Variants in MINDY4B observed in about 807,000 individuals in gnomAD.
MINDY4B encodes the protein inactive ubiquitin carboxyl-terminal hydrolase MINDY-4B.
MINDY4B carries 25 observed loss-of-function variants against 16.7 expected under a neutral mutation model. That is an observed-to-expected ratio of 1.49 (90% CI 1.09 to 2.09). The LOEUF (loss-of-function observed/expected upper bound fraction) is 2.09, where lower values mean the gene tolerates loss of function less well. MINDY4B is among the 30% of genes most tolerant of loss of function. The probability of loss-of-function intolerance (pLI) is 0.00; values close to 1 mark genes in which losing one functional copy is unlikely to be tolerated. For missense variants in MINDY4B, 327 were observed against 168.4 expected (o/e 1.94, Z -5.21); for synonymous variants, 132 against 61.9 (o/e 2.13, Z -5.32).
rs544637413 is a variant in MINDY4B at position 150,871,034 on chromosome 3, C to G, written c.*11G>C. ...GACACTTCAGACTTCATTGCACAGC[C>G]TAGTTTCCCTTTAGAAGAAGGGAAC... On this transcript the variant is annotated 3_prime_UTR_variant, in exon 12 of 12. Transcript: ENST00000465419. The G allele has an allele frequency of 1.4e-6, 1 of 702,350 alleles. No individual in the cohort carries two copies. Among genetic ancestry groups the G allele is most frequent in the South Asian group, 1.5e-5 (1 of 67,526 alleles). 43.5% of individuals were successfully genotyped at this position (702,350 alleles called of 1,614,324 possible). A position where few individuals can be genotyped will look rare whatever the true frequency, so the allele number is the denominator to read the frequency against.
chr3:150,893,696 T>TGGG (rs761403270), intron 4 of MINDY4B, among the ~76,000 whole-genome samples: 1 of 53,592 alleles, frequency 1.9e-5, no homozygotes, highest in African/African-American at 4.8e-5. Flanking sequence ...AGTTTTTTTT[T>TGGG]GGGGGGGGGG....
intron 11 of MINDY4B, among the ~76,000 whole-genome samples, chr3:150,872,901 T>A (rs1049341569): frequency 1.3e-5 from 2 of 152,222 alleles, no homozygotes; most frequent in African/African-American, 4.8e-5. Flanking sequence ...AGAATGGTTT[T>A]TGGAAATTTG....
intron 10 of MINDY4B, among the ~76,000 whole-genome samples, chr3:150,877,430 T>C (rs1278851100): frequency 6.6e-6 from 1 of 152,212 alleles, no homozygotes; most frequent in Non-Finnish European, 1.5e-5. Context: ...AATCCGGTCA[T>C]ACTTAGAGCA....
At chr3:150,889,899 A>G (rs1213138749) in intron 7 of MINDY4B, among the ~76,000 whole-genome samples, 4 of 152,220 alleles carry the variant, frequency 2.6e-5, no homozygotes, top group Non-Finnish European at 5.9e-5. Context: ...AGACAGGTGA[A>G]ACAGGACCTT....
At chr3:150,876,528 C>A (rs1285912127) in intron 10 of MINDY4B, among the ~76,000 whole-genome samples, 1 of 152,156 alleles carries the variant, frequency 6.6e-6, no homozygotes, top group Non-Finnish European at 1.5e-5. Flanking sequence ...CTTGATGTAA[C>A]TTTTCTCACT....
At chr3:150,873,465 TC>T in intron 10 of MINDY4B, 98 bp from the exon 11 acceptor site, 3 of 634,272 alleles carry the variant, frequency 4.7e-6, no homozygotes, top group Non-Finnish European at 8.5e-6. Flanking sequence ...CTCTGAGGTT[TC>T]TTGTTGCACT....
intron 7 of MINDY4B, among the ~76,000 whole-genome samples, chr3:150,889,962 G>C (rs1559967073): frequency 6.6e-6 from 1 of 152,188 alleles, no homozygotes; most frequent in Non-Finnish European, 1.5e-5. Flanking sequence ...TGGCAGCTTA[G>C]ACAAGAACCT....
chr3:150,874,005 AT>A (rs558319330), intron 10 of MINDY4B, among the ~76,000 whole-genome samples: 3,108 of 81,926 alleles, frequency 0.038, 170 homozygotes, highest in East Asian at 0.36. Context: ...TTTAGCCTTG[AT>A]TTTTTTTTTT....
At chr3:150,878,659 G>T (rs1036431521) in intron 10 of MINDY4B, among the ~76,000 whole-genome samples, 6 of 152,218 alleles carry the variant, frequency 3.9e-5, no homozygotes, top group Admixed American at 2.6e-4. Context: ...TTTAAAGCTA[G>T]CCTGGGCAGT....
chr3:150,879,926 C>T (rs1236214951), intron 10 of MINDY4B, among the ~76,000 whole-genome samples: 1 of 152,180 alleles, frequency 6.6e-6, no homozygotes. Context: ...CAGAGCCTCC[C>T]AATTAGTATT....
rs1336000067 is a variant in MINDY4B at position 150,883,645 on chromosome 3, G to T, written c.897+55C>A. ...TTTTTTTCTTTTTCAAACTCTGCAT[G>T]TGGCATTCAACTAATTCAGATTCTA... On this transcript the variant is annotated intron_variant, in intron 9 of 11. Transcript: ENST00000465419. 1.4e-5 allele frequency: 10 copies of T among 690,468 alleles called. No homozygotes were observed. In the Middle Eastern group the frequency reaches 7.0e-4, roughly 48 times the overall value. 42.8% of individuals were successfully genotyped at this position (690,468 alleles called of 1,614,324 possible).
chr3:150,890,287 A>G, intron 7 of MINDY4B, 33 bp downstream of exon 7: 1 of 477,208 alleles, frequency 2.1e-6, no homozygotes, highest in Non-Finnish European at 3.7e-6. Context: ...ATCAGTCAAC[A>G]TAAAGGAATT....
Position 150,899,086 on chromosome 3 carries a change from C to T in MINDY4B, c.309+4163G>A, listed in dbSNP as rs575781899. ...TAGACTCTTGGTTCTATCATGTTTGCCATCAATTTCTTAGCATCTGGCATA... is the reference window on the plus strand; with the variant it reads ...TAGACTCTTGGTTCTATCATGTTTGTCATCAATTTCTTAGCATCTGGCATA... On this transcript the variant is annotated intron_variant, in intron 3 of 11. Coordinates refer to ENST00000465419, the MANE Select transcript of MINDY4B (RefSeq NM_001351281.2). 6.8e-4 allele frequency among the ~76,000 whole-genome samples: 103 copies of T among 152,294 alleles called. 1 individual carries two copies. Among genetic ancestry groups the T allele is most frequent in the African/African-American group, 1.8e-3 (76 of 41,554 alleles).
At chr3:150,874,250 A>G (rs1057176826) in intron 10 of MINDY4B, among the ~76,000 whole-genome samples, 10 of 152,124 alleles carry the variant, frequency 6.6e-5, no homozygotes, top group African/African-American at 2.4e-4. Context: ...TCCTGAACAC[A>G]AGCAATCTAC....
Position 150,877,019 on chromosome 3 carries a change from G to T in MINDY4B, c.1060-3652C>A, listed in dbSNP as rs1372381631. ...CCATCAGTCTGGTGGGCTCTGGGGG[G>T]CTTGTCATGTCATCTAATGAGAATA... On this transcript the variant is annotated intron_variant, in intron 10 of 11. Coordinates refer to ENST00000465419, the MANE Select transcript of MINDY4B (RefSeq NM_001351281.2). Among the ~76,000 whole-genome samples the T allele has an allele frequency of 2.0e-5, 3 of 151,432 alleles. No individual in the cohort carries two copies. In the East Asian group the frequency reaches 5.8e-4, roughly 29 times the overall value.
intron 3 of MINDY4B, among the ~76,000 whole-genome samples, chr3:150,902,520 G>A (rs1712140794): frequency 6.6e-6 from 1 of 152,220 alleles, no homozygotes; most frequent in Admixed American, 6.5e-5. Context: ...TGCTTCCCAA[G>A]TTTCCAATGG....
chr3:150,902,930 G>A (rs1576616674), intron 3 of MINDY4B, among the ~76,000 whole-genome samples: 1 of 152,082 alleles, frequency 6.6e-6, no homozygotes, highest in East Asian at 1.9e-4. Flanking sequence ...TCCACAGTCT[G>A]CCACTTAGAG....
chr3:150,896,573 C>T (rs1414066451), intron 3 of MINDY4B, among the ~76,000 whole-genome samples: 4 of 152,180 alleles, frequency 2.6e-5, no homozygotes, highest in South Asian at 2.1e-4. Flanking sequence ...TCCCACGGGG[C>T]GTTCCCTTGA....
chr3:150,904,583 A>G (rs1371665573), intron 2 of MINDY4B, among the ~76,000 whole-genome samples: 1 of 152,234 alleles, frequency 6.6e-6, no homozygotes, highest in Non-Finnish European at 1.5e-5. Flanking sequence ...TGAGGTACAA[A>G]CATCTTTCAT....
Sources: gnomAD v4.1 joint callset for allele counts (sites outside exome capture counted in the v4.1 genomes callset) on GRCh38, gnomAD v4.1.1 for gene constraint, MANE v1.5 for transcripts, NCBI Gene and HGNC (gene_info 2026-07-23, HGNC 2026-07-21) for gene names.